GLI3: variants seen among roughly 807,000 people sequenced by gnomAD.
GLI3 encodes transcription activator GLI3.
A neutral mutation model predicts 100.8 loss-of-function variants in GLI3; 20 were observed. That is an observed-to-expected ratio of 0.20 (90% CI 0.14 to 0.29). GLI3 has a LOEUF of 0.29. GLI3 is among the 10% of genes least tolerant of loss of function. GLI3 has a pLI of 1.00. For missense variants in GLI3, 2,040 were observed against 2,128.5 expected (o/e 0.96, Z 0.82); for synonymous variants, 938 against 860.5 (o/e 1.09, Z -1.58).
chr7:41,986,847 C>T (rs574530452), intron 10 of GLI3, among the ~76,000 whole-genome samples: 9 of 144,322 alleles, frequency 6.2e-5, no homozygotes, highest in Middle Eastern at 7.4e-3. Context: ...AAGATATTAC[C>T]CCCCACCCCC....
chr7:41,995,418 C>T (rs921617274), intron 10 of GLI3, among the ~76,000 whole-genome samples: 9 of 152,088 alleles, frequency 5.9e-5, no homozygotes, highest in African/African-American at 1.4e-4. Flanking sequence ...CCTGCTTGTC[C>T]GATGTCTTTC....
chr7:42,101,553 C>T (rs966988188), intron 3 of GLI3, among the ~76,000 whole-genome samples: 3 of 151,966 alleles, frequency 2.0e-5, no homozygotes, highest in Non-Finnish European at 4.4e-5. Context: ...CTGCAGTGAG[C>T]CATGTTGGCA....
At chr7:42,053,791 T>C (rs1784398959) in intron 4 of GLI3, among the ~76,000 whole-genome samples, 1 of 152,154 alleles carries the variant, frequency 6.6e-6, no homozygotes, top group East Asian at 1.9e-4. Flanking sequence ...TCAGAACTGG[T>C]CCAAGAACAG....
At chr7:42,199,815 C>A (rs958560190) in intron 2 of GLI3, among the ~76,000 whole-genome samples, 1 of 152,020 alleles carries the variant, frequency 6.6e-6, no homozygotes, top group African/African-American at 2.4e-5. Context: ...CAGCACTTTG[C>A]GAGGTCGAGG....
Position 42,223,240 on chromosome 7 carries a change from G to C in GLI3, c.14C>G (p.Ser5Cys), listed in dbSNP as rs951372592. The C allele has an allele frequency of 1.2e-6, 2 of 1,613,240 alleles. No individual in the cohort carries two copies. Among genetic ancestry groups the C allele is most frequent in the Non-Finnish European group, 1.7e-6 (2 of 1,179,594 alleles). The change falls in exon 2 of 15, where the codon TCC (serine) becomes TGC (cysteine). Residue 5 changes from serine to cysteine, a missense_variant. Transcript: ENST00000395925. MEAQ[S>C]HSSTTTEKKK... The stretch of plus-strand genomic sequence containing the variant: ...CTTTTCAGTGGTCGTGGAGCTGTGG[G>C]ACTGGGCCTCCATGATGTCTTCTCA...
At chr7:42,062,995 A>G (rs1168419482) in intron 4 of GLI3, among the ~76,000 whole-genome samples, 1 of 152,144 alleles carries the variant, frequency 6.6e-6, no homozygotes, top group South Asian at 2.1e-4. Flanking sequence ...AATAAACACC[A>G]TTAATCATGA....
rs112587606 is a variant in GLI3, at chr7:42,252,593, A to G, written c.-43+11401T>C. Among the ~76,000 whole-genome samples, 395 of 152,318 alleles carry G rather than the reference A, an allele frequency of 2.6e-3. 5 individuals carry two copies. The highest frequency in any genetic ancestry group is 9.0e-3 in the African/African-American group (374 of 41,578). On this transcript the variant is annotated intron_variant, in intron 1 of 2. Transcript: ENST00000678978. ...AAAAGTGATTATTGGAGCAAGCTGG[A>G]TAGAATTTGAGTCACCTCTATGATG...
chr7:42,189,902 A>G (rs760651022), intron 2 of GLI3, among the ~76,000 whole-genome samples: 3 of 151,998 alleles, frequency 2.0e-5, no homozygotes, highest in African/African-American at 7.3e-5. Flanking sequence ...TATTATACCA[A>G]GATAGATTCG....
intron 2 of GLI3, among the ~76,000 whole-genome samples, chr7:42,182,624 A>T (rs1787615214): frequency 7.3e-6 from 1 of 136,696 alleles, no homozygotes; most frequent in African/African-American, 2.8e-5. Context: ...ACATTTTTAT[A>T]TGCATATGTA....
intron 2 of GLI3, among the ~76,000 whole-genome samples, chr7:42,179,306 C>T (rs1188138293): frequency 2.0e-5 from 3 of 151,692 alleles, no homozygotes; most frequent in Admixed American, 6.6e-5. Context: ...ATTGTCCAGT[C>T]GTGGGTATGT....
At chr7:42,065,971 C>T (rs1204581856) in intron 4 of GLI3, among the ~76,000 whole-genome samples, 1 of 152,172 alleles carries the variant, frequency 6.6e-6, no homozygotes, top group Non-Finnish European at 1.5e-5. Context: ...GTTAGGGGCA[C>T]TTAGCAAGCA....
At chr7:41,967,377 T>A (rs561953947) in intron 14 of GLI3, among the ~76,000 whole-genome samples, 43 of 147,034 alleles carry the variant, frequency 2.9e-4, no homozygotes, top group Non-Finnish European at 4.2e-4. Flanking sequence ...ATATGAGTCA[T>A]GCACAGTCAC....
At chr7:42,216,083 T>C (rs1023183669) in intron 2 of GLI3, among the ~76,000 whole-genome samples, 8 of 152,204 alleles carry the variant, frequency 5.3e-5, no homozygotes, top group Admixed American at 6.5e-5. Context: ...ACAGGTTAAG[T>C]ACTTAGCCCA....
chr7:42,142,352 A>G (rs1786589175), intron 3 of GLI3, among the ~76,000 whole-genome samples: 1 of 152,144 alleles, frequency 6.6e-6, no homozygotes. Context: ...CGGCAGGGGA[A>G]GAGAGGACTG....
intron 10 of GLI3, among the ~76,000 whole-genome samples, chr7:42,015,902 G>A (rs1383247424): frequency 2.6e-5 from 4 of 151,938 alleles, no homozygotes; most frequent in Non-Finnish European, 5.9e-5. Flanking sequence ...TTTCTTACGT[G>A]TGTTTTTCTT....
At chr7:42,079,963 G>A (rs768179189) in intron 3 of GLI3, among the ~76,000 whole-genome samples, 14 of 152,138 alleles carry the variant, frequency 9.2e-5, no homozygotes, top group Non-Finnish European at 1.8e-4. Context: ...CAGTGATTAC[G>A]TGTATGGAGT....
chr7:42,258,870 C>T (rs570052407), intron 1 of GLI3, among the ~76,000 whole-genome samples: 3 of 152,310 alleles, frequency 2.0e-5, no homozygotes, highest in African/African-American at 4.8e-5. Flanking sequence ...TTTGGGGGGA[C>T]ACAAACTTTT....
intron 13 of GLI3, among the ~76,000 whole-genome samples, chr7:41,971,695 C>CA (rs1245798677): frequency 2.6e-5 from 4 of 152,030 alleles, no homozygotes; most frequent in Non-Finnish European, 5.9e-5. Context: ...GTGGTTTCCT[C>CA]AAAAAACAAG....
chr7:42,045,366 A>T lies in GLI3; in HGVS notation c.826+18T>A. On this transcript the variant is annotated intron_variant, in intron 6 of 14. Transcript: ENST00000395925. Reference sequence around the variant, plus strand: ...TTTGCCATTTCCCAAGACTCTAGAAACCAGCCCCGTCACTTACTATCCATA... The same window carrying T: ...TTTGCCATTTCCCAAGACTCTAGAATCCAGCCCCGTCACTTACTATCCATA... The T allele has an allele frequency of 6.2e-7, 1 of 1,611,994 alleles. No homozygotes were observed. Among genetic ancestry groups the T allele is most frequent in the Non-Finnish European group, 8.5e-7 (1 of 1,178,078 alleles).
Sources: gnomAD v4.1 joint callset for allele counts (sites outside exome capture counted in the v4.1 genomes callset) on GRCh38, gnomAD v4.1.1 for gene constraint, MANE v1.5 for transcripts, NCBI Gene and HGNC (gene_info 2026-07-23, HGNC 2026-07-21) for gene names.